ZNF821: variants seen among roughly 807,000 people sequenced by gnomAD.
ZNF821 encodes the protein zinc finger protein 821.
A neutral mutation model predicts 44.3 loss-of-function variants in ZNF821; 16 were observed. That is an observed-to-expected ratio of 0.36 (90% CI 0.24 to 0.55). The LOEUF (loss-of-function observed/expected upper bound fraction) is 0.55, where lower values mean the gene tolerates loss of function less well. Ranked by LOEUF, ZNF821 falls within the 20% of genes least tolerant of loss-of-function variation. ZNF821 has a pLI of 0.86. For missense variants in ZNF821, 436 were observed against 547.6 expected, an observed-to-expected ratio of 0.80 and a Z score of 2.03; for synonymous variants, 204 against 197.6, an observed-to-expected ratio of 1.03 and a Z score of -0.27.
chr16:71,873,870 C>A (rs1043994535), intron 3 of ZNF821, among the ~76,000 whole-genome samples: 1 of 151,670 alleles, frequency 6.6e-6, no homozygotes, highest in African/African-American at 2.4e-5. Flanking sequence ...CCAAGCTGGT[C>A]TCGAACTCCT....
At chr16:71,890,928 G>A (rs1021514143) in intron 1 of ZNF821, among the ~76,000 whole-genome samples, 1 of 151,472 alleles carries the variant, frequency 6.6e-6, no homozygotes, top group Non-Finnish European at 1.5e-5. Context: ...CCCGCACCAC[G>A]CCCAGCTAAT....
upstream of ZNF821, among the ~76,000 whole-genome samples, chr16:71,887,383 C>T (rs576526927): frequency 7.1e-4 from 108 of 151,940 alleles, no homozygotes; most frequent in Non-Finnish European, 1.2e-3. Flanking sequence ...CCTCAGCCTC[C>T]CAAGCAGCTG....
At chr16:71,890,026 C>A (rs1254713652) in intron 1 of ZNF821, among the ~76,000 whole-genome samples, 2 of 152,128 alleles carry the variant, frequency 1.3e-5, no homozygotes, top group Non-Finnish European at 2.9e-5. Context: ...GAAATGTCAG[C>A]CTGAAATTGA....
rs1197480532 is a variant in ZNF821, at chr16:71,884,005, G to C, written c.-238C>G. The C allele has an allele frequency of 6.6e-6, 1 of 152,104 alleles. No individual in the cohort carries two copies. The allele number at this position is 152,104 out of a possible 1,614,324, so 9.4% of individuals were successfully genotyped here. ...GGACCCGGGACCGCAGCCCAAGCCA[G>C]CCGGGCCGGGGCGCTCCGGGACTGG... is the stretch of plus-strand genomic sequence containing the variant. On this transcript the variant is annotated 5_prime_UTR_variant, in exon 1 of 8. Transcript: ENST00000425432.
In ZNF821 at chr16:71,860,767, C is replaced by A; in HGVS notation, c.585-95G>T. The A allele has an allele frequency of 3.0e-5, 38 of 1,252,938 alleles. No homozygotes were observed. Among genetic ancestry groups the A allele is most frequent in the South Asian group, 1.5e-4 (10 of 67,820 alleles). 77.6% of individuals were successfully genotyped at this position (1,252,938 alleles called of 1,614,324 possible). On this transcript the variant is annotated intron_variant, in intron 7 of 7. Coordinates refer to ENST00000425432, the MANE Select transcript of ZNF821 (RefSeq NM_001201552.2). The surrounding 1 kb of genome is among the most constrained non-coding windows in gnomAD (Gnocchi z 7.3). ...TTCTTTTCCTATGAGGCCAGTGGCT[C>A]CACGCTCACCACAAGGGGTCAGTTT...
At chr16:71,861,969 G>C (rs370246022) in intron 6 of ZNF821, 27 bp from the exon 7 acceptor site, 29 of 1,610,758 alleles carry the variant, frequency 1.8e-5, no homozygotes, top group Non-Finnish European at 2.4e-5. Context: ...TGATCTGTCA[G>C]TCTTGCGCTA....
chr16:71,882,843 A>G (rs1464350225), intron 2 of ZNF821, among the ~76,000 whole-genome samples: 1 of 152,188 alleles, frequency 6.6e-6, no homozygotes, highest in Admixed American at 6.5e-5. Context: ...TAAAGCTAAT[A>G]AAACCCAGAG....
At chr16:71,863,248 A>G (rs1454323463) in intron 6 of ZNF821, among the ~76,000 whole-genome samples, 1 of 152,100 alleles carries the variant, frequency 6.6e-6, no homozygotes, top group Non-Finnish European at 1.5e-5. Context: ...ATTAGTATAC[A>G]TTAGTTTCTA....
chr16:71,861,463 G>A (rs1417814470), intron 7 of ZNF821, among the ~76,000 whole-genome samples: 1 of 152,242 alleles, frequency 6.6e-6, no homozygotes, highest in African/African-American at 2.4e-5. Flanking sequence ...ACACGATGGA[G>A]ACTGCATCCT....
intron 3 of ZNF821, among the ~76,000 whole-genome samples, chr16:71,878,751 G>A (rs1461191630): frequency 2.0e-5 from 3 of 151,982 alleles, no homozygotes; most frequent in Non-Finnish European, 2.9e-5. Context: ...CCAACATGGT[G>A]AAACCCTGTC....
Position 71,860,762 on chromosome 16 carries a change from TGG to T in ZNF821, c.585-92_585-91del. The T allele has an allele frequency of 2.0e-5, 27 of 1,339,454 alleles. No individual in the cohort carries two copies. Among genetic ancestry groups the T allele is most frequent in the South Asian group, 1.4e-4 (10 of 71,174 alleles). The allele number at this position is 1,339,454 out of a possible 1,614,324, so 83.0% of individuals were successfully genotyped here. A position where few individuals can be genotyped will look rare whatever the true frequency, so the allele number is the denominator to read the frequency against. On this transcript the variant is annotated intron_variant, in intron 7 of 7. Transcript: ENST00000425432. This position sits in a 1 kb window ranked among gnomAD's most constrained non-coding sequence, Gnocchi z 7.3. ...CCTTATTCTTTTCCTATGAGGCCAG[TGG>T]CTCCACGCTCACCACAAGGGGTCAG...
intron 4 of ZNF821, among the ~76,000 whole-genome samples, chr16:71,866,375 G>C (rs2034545673): frequency 6.6e-6 from 1 of 152,126 alleles, no homozygotes; most frequent in South Asian, 2.1e-4. Flanking sequence ...AAATACTCCA[G>C]GCAACTGGTG....
At position 71,891,744 on chromosome 16, in the gene ZNF821, C is replaced by T. The variant is rs574336002; in HGVS notation, n.448+3145G>A. Among the ~76,000 whole-genome samples the T allele has an allele frequency of 9.6e-4, 146 of 152,152 alleles. 2 individuals are homozygous for T. Among genetic ancestry groups the T allele is most frequent in the African/African-American group, 3.4e-3 (142 of 41,510 alleles). On this transcript the variant is annotated intron_variant and non_coding_transcript_variant, in intron 1 of 2. Coordinates refer to the ZNF821 transcript ENST00000561700. ...CAAAAAATCGGCCAAGCGTGGTGTC[C>T]CACGCCTTTAATCCCAGCACTTTAG...
At chr16:71,886,237 A>G (rs1413175965), upstream of ZNF821, among the ~76,000 whole-genome samples, 1 of 152,190 alleles carries the variant, frequency 6.6e-6, no homozygotes, top group Non-Finnish European at 1.5e-5. Context: ...AAATTATTAA[A>G]TACGTAATTA....
In ZNF821 at chr16:71,860,103, T is replaced by C. The variant is rs2033658853; in HGVS notation, c.1154A>G (p.Gln385Arg). The C allele has an allele frequency of 6.2e-7, 1 of 1,614,252 alleles. No individual in the cohort carries two copies. The highest frequency in any genetic ancestry group is 2.2e-5 in the East Asian group (1 of 44,882). ...AALAAEMNFF[Q>R]LPVSGVELDS... ...CAACTCCACCCCACTTACAGGCAGC[T>C]GGAAGAAGTTCATTTCAGCTGCTAA... The change falls in exon 8 of 8, where the codon CAG (glutamine) becomes CGG (arginine). Residue 385 changes from glutamine (Q) to arginine (R), a missense_variant. This residue lies in a region of ZNF821 where 55 missense variants were observed against 56.9 expected (regional missense o/e 0.97). Transcript: ENST00000425432. The surrounding 1 kb of genome is among the most constrained non-coding windows in gnomAD (Gnocchi z 7.3).
At chr16:71,877,403 G>A (rs926696476) in intron 3 of ZNF821, among the ~76,000 whole-genome samples, 3 of 152,058 alleles carry the variant, frequency 2.0e-5, no homozygotes, top group African/African-American at 7.2e-5. Context: ...TGGGACTATA[G>A]ATGTATGCCC....
chr16:71,889,992 T>C (rs1478071481), intron 1 of ZNF821, among the ~76,000 whole-genome samples: 1 of 152,124 alleles, frequency 6.6e-6, no homozygotes, highest in Admixed American at 6.6e-5. Flanking sequence ...AAAAAAATGA[T>C]TTTTGACCTG....
chr16:71,875,345 G>C (rs1247745531), intron 3 of ZNF821, among the ~76,000 whole-genome samples: 1 of 152,016 alleles, frequency 6.6e-6, no homozygotes, highest in East Asian at 1.9e-4. Flanking sequence ...GCAGTGGTGT[G>C]ATCTTGGCTC....
chr16:71,894,807 A>C, intron 1 of ZNF821: 2 of 1,529,804 alleles, frequency 1.3e-6, no homozygotes, highest in Non-Finnish European at 1.8e-6. Context: ...AGTGCTGGGA[A>C]GGTCCCTTCC....
Sources: gnomAD v4.1 joint callset for allele counts (sites outside exome capture counted in the v4.1 genomes callset) on GRCh38, gnomAD v4.1.1 for gene constraint, gnomAD v4.1.1 regional missense constraint, Gnocchi (gnomAD v3.1) non-coding constraint, MANE v1.5 for transcripts, NCBI Gene and HGNC (gene_info 2026-07-23, HGNC 2026-07-21) for gene names.